ATG13: variants seen among roughly 807,000 people sequenced by gnomAD.
ATG13 encodes the protein autophagy-related protein 13.
In ATG13, 23 loss-of-function variants were observed where a neutral mutation model predicts 65.5. The observed-to-expected ratio is 0.35, with a 90% confidence interval of 0.25 to 0.50. The LOEUF is 0.50. Among genes scored for constraint, ATG13 ranks in the 20% least tolerant of loss-of-function variants. ATG13 has a pLI of 0.98. For missense variants in ATG13, 566 were observed against 677.0 expected, an observed-to-expected ratio of 0.84 and a Z score of 1.82; for synonymous variants, 252 against 245.2, an observed-to-expected ratio of 1.03 and a Z score of -0.26.
At chr11:46,644,454 A>G in intron 3 of ATG13, 94 bp downstream of exon 3, 2 of 1,063,040 alleles carry the variant, frequency 1.9e-6, no homozygotes, top group African/African-American at 3.2e-5. Context: ...GTAGCATAAC[A>G]GCTTGCAGCT....
intron 11 of ATG13, among the ~76,000 whole-genome samples, chr11:46,660,974 T>G (rs949392665): frequency 1.3e-5 from 2 of 152,070 alleles, no homozygotes; most frequent in Non-Finnish European, 2.9e-5. Flanking sequence ...CCTCCCAAAG[T>G]GTTGGGATTA....
Position 46,659,430 on chromosome 11 carries a change from T to G in ATG13, c.734T>G (p.Val245Gly), listed in dbSNP as rs775274012. 5.0e-6 allele frequency: 8 copies of G among 1,614,138 alleles called. 1 individual carries two copies. The highest frequency in any genetic ancestry group is 4.0e-5 in the African/African-American group (3 of 75,064). Residue 245 changes from valine (V) to glycine (G), a missense_variant, in exon 11 of 19, where the codon GTA (valine) becomes GGA (glycine). Val to Gly is a moderately radical substitution (Grantham distance 109). Around this residue, in one of 2 missense-constraint regions of ATG13, gnomAD observed 387 missense variants for 409.8 expected, o/e 0.94. Coordinates refer to ENST00000683050, the MANE Select transcript of ATG13 (RefSeq NM_001346311.2). ...GEDTGVIYPS[V>G]EDSQEVCTTS... ...GACACTGGAGTAATATACCCGTCTG[T>G]AGAAGACTCTCAAGAAGTGTGTACC...
At chr11:46,654,061 T>A (rs1039552020) in intron 7 of ATG13, among the ~76,000 whole-genome samples, 5 of 151,438 alleles carry the variant, frequency 3.3e-5, no homozygotes, top group South Asian at 2.1e-4. Flanking sequence ...TTTTATTTTT[T>A]TTTTTCAGAA....
intron 2 of ATG13, among the ~76,000 whole-genome samples, chr11:46,637,815 G>A (rs1267540694): frequency 6.6e-6 from 1 of 152,150 alleles, no homozygotes; most frequent in Non-Finnish European, 1.5e-5. Context: ...TTCCCTAATT[G>A]GAGGCTCCTG....
chr11:46,647,074 G>A (rs891019994), intron 5 of ATG13, among the ~76,000 whole-genome samples: 17 of 152,148 alleles, frequency 1.1e-4, no homozygotes, highest in Middle Eastern at 3.4e-3. Flanking sequence ...CCAACCACTT[G>A]GTATAGGGTC....
intron 11 of ATG13, 34 bp from the exon 12 acceptor site, chr11:46,663,963 T>G: frequency 3.5e-6 from 4 of 1,147,306 alleles, no homozygotes; most frequent in South Asian, 1.5e-5. Flanking sequence ...TTTTTTTTTT[T>G]GTTTCTCCTG....
In ATG13 at chr11:46,668,846, A is replaced by G. The variant is rs758709658; in HGVS notation, c.1382A>G (p.His461Arg). The change falls in exon 17 of 19, where the codon CAC becomes CGC. Residue 461 changes from histidine to arginine, a missense_variant. By Grantham distance (29) the His-to-Arg change is conservative. Around this residue, in one of 2 missense-constraint regions of ATG13, gnomAD observed 387 missense variants for 409.8 expected, o/e 0.94. Coordinates refer to ENST00000683050, the MANE Select transcript of ATG13 (RefSeq NM_001346311.2). ...ETESPLQGSL[H>R]SDGSSGGSSG... ...GAATCTCCTCTCCAGGGCAGCCTGCACTCAGATGGCTCCAGCGGGGGCAGC... is the reference window on the plus strand; with the variant it reads ...GAATCTCCTCTCCAGGGCAGCCTGCGCTCAGATGGCTCCAGCGGGGGCAGC... The G allele has an allele frequency of 1.2e-6, 2 of 1,613,968 alleles. No individual in the cohort carries two copies.
intron 10 of ATG13, 25 bp downstream of exon 10, chr11:46,657,647 C>G: frequency 6.5e-7 from 1 of 1,547,268 alleles, no homozygotes; most frequent in Non-Finnish European, 8.8e-7. Context: ...AAGGTGCTCT[C>G]CCAAACTGCA....
chr11:46,624,682 C>T (rs1467208322), intron 1 of ATG13, among the ~76,000 whole-genome samples: 1 of 152,044 alleles, frequency 6.6e-6, no homozygotes, highest in Non-Finnish European at 1.5e-5. Context: ...TCAGTTTCTT[C>T]AATTGTTGTC....
rs1390563317 is a variant in ATG13, at chr11:46,668,945, C to T, written c.1446+35C>T. On this transcript the variant is annotated intron_variant, in intron 17 of 18. Coordinates refer to ENST00000683050, the MANE Select transcript of ATG13 (RefSeq NM_001346311.2). ...CGTCACCTTCCTTGACCTTTGCTGT[C>T]CCGGGGAACTAGACCTAGAAGCATC... 6.6e-6 allele frequency: 10 copies of T among 1,517,826 alleles called. No homozygotes were observed. The East Asian group carries it at 6.8e-5, about 10-fold the overall frequency. The allele number at this position is 1,517,826 out of a possible 1,614,324, so 94.0% of individuals were successfully genotyped here.
intron 14 of ATG13, 127 bp downstream of exon 14, chr11:46,665,646 C>T (rs1358444228): frequency 3.9e-6 from 5 of 1,298,208 alleles, no homozygotes; most frequent in Non-Finnish European, 4.2e-6. Flanking sequence ...CATTTGAGCC[C>T]AAAGCATGGA....
chr11:46,660,685 G>A (rs2060994397), intron 11 of ATG13, among the ~76,000 whole-genome samples: 1 of 151,184 alleles, frequency 6.6e-6, no homozygotes, highest in African/African-American at 2.4e-5. Flanking sequence ...TGGGATTACA[G>A]GTGTGAGCCA....
chr11:46,669,532 G>A lies in ATG13; in HGVS notation c.1575G>A (p.Leu525=). The change falls in exon 18 of 19, where the codon TTG becomes TTA. Residue 525 remains leucine (L), a splice_region_variant and synonymous_variant. Coordinates refer to ENST00000683050, the MANE Select transcript of ATG13 (RefSeq NM_001346311.2). ...GAGCACAGTCCATGGCTGAAGACTT[G>A]GTATGGAAACGTCTTCCTCTACCAC... ...DIGAQSMAED[L]DSLPEKLAVH... The A allele has an allele frequency of 1.9e-6, 3 of 1,613,838 alleles. No homozygotes were observed. The highest frequency in any genetic ancestry group is 1.7e-6 in the Non-Finnish European group (2 of 1,179,822).
chr11:46,667,439 G>A (rs532853899), intron 14 of ATG13, among the ~76,000 whole-genome samples: 1 of 152,212 alleles, frequency 6.6e-6, no homozygotes, highest in Non-Finnish European at 1.5e-5. Context: ...GAGGAGAGGG[G>A]AGGAAACATG....
At chr11:46,642,424 G>A (rs2056366315) in intron 2 of ATG13, among the ~76,000 whole-genome samples, 2 of 147,016 alleles carry the variant, frequency 1.4e-5, no homozygotes, top group South Asian at 4.4e-4. Context: ...TCTTGCCTCA[G>A]CCTCCCAAGT....
At chr11:46,633,401 T>C (rs1369081338) in intron 2 of ATG13, among the ~76,000 whole-genome samples, 1 of 151,678 alleles carries the variant, frequency 6.6e-6, no homozygotes, top group Admixed American at 6.6e-5. Flanking sequence ...TAGGCTGGAG[T>C]GCAATGGCGC....
At chr11:46,671,920 G>A (rs1007024194) in intron 18 of ATG13, among the ~76,000 whole-genome samples, 3 of 152,184 alleles carry the variant, frequency 2.0e-5, no homozygotes, top group Non-Finnish European at 4.4e-5. Flanking sequence ...TGTACACTTG[G>A]TATTTTATTC....
intron 11 of ATG13, among the ~76,000 whole-genome samples, chr11:46,663,436 C>T (rs1163127883): frequency 6.6e-6 from 1 of 152,086 alleles, no homozygotes; most frequent in Non-Finnish European, 1.5e-5. Context: ...CGCATACACA[C>T]ACCCCTGCAC....
intron 1 of ATG13, among the ~76,000 whole-genome samples, chr11:46,627,209 A>G (rs929645534): frequency 5.3e-5 from 8 of 152,052 alleles, no homozygotes; most frequent in African/African-American, 1.7e-4. Context: ...ATGAAACCCT[A>G]TCTCTACAAA....
Sources: gnomAD v4.1 joint callset for allele counts (sites outside exome capture counted in the v4.1 genomes callset) on GRCh38, gnomAD v4.1.1 for gene constraint, gnomAD v4.1.1 regional missense constraint, MANE v1.5 for transcripts, NCBI Gene and HGNC (gene_info 2026-07-23, HGNC 2026-07-21) for gene names.